The following OSBPL5 variants were observed in gnomAD, a reference collection of about 807,000 sequenced individuals.
OSBPL5 encodes the protein oxysterol-binding protein-related protein 5.
A neutral mutation model predicts 111.2 loss-of-function variants in OSBPL5; 71 were observed. That is an observed-to-expected ratio of 0.64 (90% CI 0.53 to 0.78). OSBPL5 has a LOEUF of 0.78. Ranked by LOEUF, OSBPL5 falls within the 30% of genes least tolerant of loss-of-function variation. The probability of loss-of-function intolerance (pLI) is 0.00; values close to 1 mark genes in which losing one functional copy is unlikely to be tolerated. For missense variants in OSBPL5, 1,210 were observed against 1,189.3 expected (o/e 1.02, Z -0.26); for synonymous variants, 549 against 513.9 (o/e 1.07, Z -0.93).
intron 1 of OSBPL5, among the ~76,000 whole-genome samples, chr11:3,152,091 AGTATGG>A (rs1010713384): frequency 2.6e-5 from 4 of 152,224 alleles, no homozygotes; most frequent in African/African-American, 9.6e-5. Flanking sequence ...AAGGGACAAG[AGTATGG>A]GTCTTTATGG....
At chr11:3,101,425 G>C (rs1299819110) in intron 13 of OSBPL5, among the ~76,000 whole-genome samples, 178 bp downstream of exon 13, 2 of 152,102 alleles carry the variant, frequency 1.3e-5, no homozygotes, top group South Asian at 2.1e-4. Context: ...GGAGCTGCGG[G>C]CAGCTCTGCC....
intron 1 of OSBPL5, among the ~76,000 whole-genome samples, chr11:3,137,083 C>T (rs548496551): frequency 4.6e-5 from 7 of 152,328 alleles, no homozygotes; most frequent in South Asian, 4.1e-4. Context: ...CAACACCATA[C>T]GTTTGCATTC....
At chr11:3,127,541 G>A (rs945092375) in intron 2 of OSBPL5, among the ~76,000 whole-genome samples, 1 of 152,186 alleles carries the variant, frequency 6.6e-6, no homozygotes, top group Non-Finnish European at 1.5e-5. Flanking sequence ...GACCCTGGCC[G>A]GCAGTGGCTG....
At chr11:3,124,923 G>C (rs140484929) in intron 3 of OSBPL5, among the ~76,000 whole-genome samples, 1 of 152,320 alleles carries the variant, frequency 6.6e-6, no homozygotes, top group African/African-American at 2.4e-5. Context: ...TGAGGCAACA[G>C]GGGAAGAGAG....
intron 7 of OSBPL5, among the ~76,000 whole-genome samples, chr11:3,114,330 A>G (rs1302730275): frequency 6.6e-6 from 1 of 152,150 alleles, no homozygotes; most frequent in Non-Finnish European, 1.5e-5. Flanking sequence ...ATAATTTCAT[A>G]TGAGAAAGAA....
intron 1 of OSBPL5, among the ~76,000 whole-genome samples, chr11:3,134,007 T>G (rs1031706228): frequency 6.6e-6 from 1 of 151,562 alleles, no homozygotes; most frequent in Non-Finnish European, 1.5e-5. Context: ...TAGATGTATG[T>G]GGTCCCCAGT....
Position 3,102,201 on chromosome 11 carries a change from T to G in OSBPL5, c.1407A>C (p.Thr469=). ...CTCTTGCCTGCTCTGCTATGTAGAA[T>G]GTGCGGCTGTCAGTCTGCGGGTGGA... is the stretch of plus-strand genomic sequence containing the variant. ...CWFHPQTDSR[T]FYIAEQVSHH... Residue 469 remains threonine, a synonymous_variant, in exon 12 of 22, where the codon ACA becomes ACC. Transcript: ENST00000263650. 4 of 1,606,456 alleles carry G rather than the reference T, an allele frequency of 2.5e-6. No homozygotes were observed. Among genetic ancestry groups the G allele is most frequent in the Non-Finnish European group, 3.4e-6 (4 of 1,176,994 alleles).
At chr11:3,147,720 G>A (rs975406164) in intron 1 of OSBPL5, among the ~76,000 whole-genome samples, 4 of 152,202 alleles carry the variant, frequency 2.6e-5, no homozygotes, top group Non-Finnish European at 4.4e-5. Context: ...GGGAGTGAGC[G>A]TGTCCAGGGA....
intron 1 of OSBPL5, among the ~76,000 whole-genome samples, chr11:3,147,409 G>A (rs781536131): frequency 6.6e-6 from 1 of 152,248 alleles, no homozygotes; most frequent in Non-Finnish European, 1.5e-5. Context: ...AGCCGCAGCC[G>A]AGGCCAGCCC....
In OSBPL5 at chr11:3,154,461, C is replaced by T. The variant is rs1189207989; in HGVS notation, c.-22+10755G>A. Among the ~76,000 whole-genome samples the T allele has an allele frequency of 1.3e-5, 2 of 152,236 alleles. No homozygotes were observed. The highest frequency in any genetic ancestry group is 4.8e-5 in the African/African-American group (2 of 41,466). Reference sequence around the variant, plus strand: ...TCGTTCACCAAGCGGGGGGCCTCTACAGCTCGCCCAGGTTCCAGCTGAGCC... The same window carrying T: ...TCGTTCACCAAGCGGGGGGCCTCTATAGCTCGCCCAGGTTCCAGCTGAGCC... On this transcript the variant is annotated intron_variant, in intron 1 of 21. Coordinates refer to ENST00000263650, the MANE Select transcript of OSBPL5 (RefSeq NM_020896.4). This position sits in a 1 kb window ranked among gnomAD's most constrained non-coding sequence, Gnocchi z 4.9.
chr11:3,152,380 T>A (rs1846619090), intron 1 of OSBPL5, among the ~76,000 whole-genome samples: 1 of 152,236 alleles, frequency 6.6e-6, no homozygotes, highest in South Asian at 2.1e-4. Context: ...AGGTCTTAAA[T>A]AACAGTATAG....
chr11:3,105,729 C>T lies in OSBPL5; in HGVS notation c.1060-1352G>A, dbSNP rs376801688. Among the ~76,000 whole-genome samples the T allele has an allele frequency of 5.9e-5, 9 of 152,308 alleles. No homozygotes were observed. The highest frequency in any genetic ancestry group is 2.1e-4 in the South Asian group (1 of 4,828). The stretch of plus-strand genomic sequence containing the variant: ...ACCTCTGTGAAGCCTTATCTGTGCT[C>T]GGCCTCTGAAGGTTGGGTGCCCGGG... On this transcript the variant is annotated intron_variant, in intron 9 of 21. Transcript: ENST00000263650. This position sits in a 1 kb window ranked among gnomAD's most constrained non-coding sequence, Gnocchi z 5.2.
At chr11:3,144,743 C>T (rs1418408483) in intron 1 of OSBPL5, among the ~76,000 whole-genome samples, 2 of 152,244 alleles carry the variant, frequency 1.3e-5, no homozygotes, top group South Asian at 4.1e-4. Context: ...CTGCTGGAGC[C>T]AACCCCCAGT....
chr11:3,156,273 G>C (rs1297440710), intron 1 of OSBPL5, among the ~76,000 whole-genome samples: 1 of 152,212 alleles, frequency 6.6e-6, no homozygotes, highest in Non-Finnish European at 1.5e-5. Flanking sequence ...TCCTTCCGAA[G>C]GATGGAAATC....
rs1462729193 is a variant in OSBPL5, at chr11:3,110,593, C to T, written c.692-2648G>A. On this transcript the variant is annotated intron_variant, in intron 7 of 21. Transcript: ENST00000263650. The surrounding 1 kb of genome is among the most constrained non-coding windows in gnomAD (Gnocchi z 5.3). ...AAGGAAAATCTTGGGCCCCTCAAAT[C>T]ACTAAGCTAAAGGGAAAAACCCAAG... 6.6e-6 allele frequency among the ~76,000 whole-genome samples: 1 copy of T among 152,172 alleles called. No individual in the cohort carries two copies. Among genetic ancestry groups the T allele is most frequent in the East Asian group, 1.9e-4 (1 of 5,190 alleles).
chr11:3,126,468 C>T lies in OSBPL5; in HGVS notation c.219+5G>A. 2 of 1,608,200 alleles carry T rather than the reference C, an allele frequency of 1.2e-6. No homozygotes were observed. Among genetic ancestry groups the T allele is most frequent in the Non-Finnish European group, 1.7e-6 (2 of 1,178,418 alleles). On this transcript the variant is annotated splice_donor_5th_base_variant and intron_variant, in intron 3 of 21. Transcript: ENST00000263650. This position sits in a 1 kb window ranked among gnomAD's most constrained non-coding sequence, Gnocchi z 6.5. The stretch of plus-strand genomic sequence containing the variant: ...TCATGGATCCTCCTATACCCAGGCT[C>T]TTACCGGTGGCACCTTCGTGGCAGA...
intron 1 of OSBPL5, among the ~76,000 whole-genome samples, chr11:3,147,024 G>A (rs1011378736): frequency 4.6e-5 from 7 of 152,150 alleles, no homozygotes; most frequent in Non-Finnish European, 8.8e-5. Context: ...GCTCTGGGTG[G>A]GCCGAGGCCC....
chr11:3,097,669 G>C (rs1009546474), intron 14 of OSBPL5, among the ~76,000 whole-genome samples: 2 of 152,186 alleles, frequency 1.3e-5, no homozygotes, highest in Non-Finnish European at 2.9e-5. Context: ...CAGAATATGA[G>C]AGTGACCAGC....
At chr11:3,125,961 G>A (rs1434770827) in intron 3 of OSBPL5, among the ~76,000 whole-genome samples, 1 of 152,240 alleles carries the variant, frequency 6.6e-6, no homozygotes, top group Non-Finnish European at 1.5e-5. Context: ...CAGCCTGGGT[G>A]ACAGAGGGAG....
Sources: allele counts gnomAD v4.1 joint callset (sites outside exome capture counted in the v4.1 genomes callset), GRCh38; gene constraint gnomAD v4.1.1; non-coding constraint Gnocchi (gnomAD v3.1); transcripts MANE v1.5; gene names NCBI Gene and HGNC (gene_info 2026-07-23, HGNC 2026-07-21).